Variants in OR10H3 observed in about 807,000 individuals in gnomAD.
The protein encoded by OR10H3 is olfactory receptor family 10 subfamily H member 3, also known as olfactory receptor 10H3.
A neutral mutation model predicts 11.1 loss-of-function variants in OR10H3; 15 were observed. That is an observed-to-expected ratio of 1.36 (90% CI 0.91 to 2.09). OR10H3 has a LOEUF of 2.09. Ranked by LOEUF, OR10H3 falls within the 30% of genes most tolerant of loss-of-function variation. The probability of loss-of-function intolerance (pLI) is 0.00; values close to 1 mark genes in which losing one functional copy is unlikely to be tolerated. For missense variants in OR10H3, 403 were observed against 391.5 expected, an observed-to-expected ratio of 1.03 and a Z score of -0.25; for synonymous variants, 149 against 142.1, an observed-to-expected ratio of 1.05 and a Z score of -0.35.
chr19:15,738,559 A>G (rs2008664921), intron 1 of OR10H3, among the ~76,000 whole-genome samples: 1 of 150,184 alleles, frequency 6.7e-6, no homozygotes, highest in Non-Finnish European at 1.5e-5. Flanking sequence ...TTTTTTGAAG[A>G]TCATGTGTAA....
At chr19:15,739,945 T>C (rs997395222) in intron 1 of OR10H3, among the ~76,000 whole-genome samples, 7 of 152,036 alleles carry the variant, frequency 4.6e-5, no homozygotes, top group Middle Eastern at 3.4e-3. Flanking sequence ...ATAGTCAAAA[T>C]AACCAGATAA....
In OR10H3 at chr19:15,741,420, T is replaced by C. The variant is rs771244236; in HGVS notation, c.28T>C (p.Ser10Pro). ...GCCTGGTCAGAACTACAGAACCATATCTGAATTTATCCTCTCTGGCTTCTC... is the reference window on the plus strand; with the variant it reads ...GCCTGGTCAGAACTACAGAACCATACCTGAATTTATCCTCTCTGGCTTCTC... MPGQNYRTI[S>P]EFILSGFSAF... Residue 10 changes from serine to proline, a missense_variant, in exon 2 of 2, where the codon TCT (serine) becomes CCT (proline). Transcript: ENST00000641646. The C allele has an allele frequency of 3.7e-5, 60 of 1,613,788 alleles. No homozygotes were observed. The South Asian group carries it at 6.4e-4, about 17-fold the overall frequency.
At chr19:15,739,107 T>C (rs148976517) in intron 1 of OR10H3, among the ~76,000 whole-genome samples, 5 of 152,278 alleles carry the variant, frequency 3.3e-5, no homozygotes, top group African/African-American at 1.2e-4. Flanking sequence ...TTTAATTATA[T>C]AGTTATCTTC....
At position 15,742,246 on chromosome 19, in the gene OR10H3, C is replaced by A. The variant is rs184309267; in HGVS notation, c.854C>A (p.Pro285His). The change falls in exon 2 of 2, where the codon CCC (proline) becomes CAC (histidine). Residue 285 changes from proline (P) to histidine (H), a missense_variant. Physicochemically the swap from Pro to His is moderately conservative, Grantham distance 77. Transcript: ENST00000641646. ...LMATTYTVFT[P>H]FLSPIIFSLR... ...GCCACCACCTATACTGTCTTCACCC[C>A]CTTCCTCAGCCCAATCATTTTCAGT... 2 of 1,614,088 alleles carry A rather than the reference C, an allele frequency of 1.2e-6. No homozygotes were observed. The highest frequency in any genetic ancestry group is 2.2e-5 in the South Asian group (2 of 91,084).
In OR10H3 at chr19:15,742,233, A is replaced by G. The variant is rs892204938; in HGVS notation, c.841A>G (p.Thr281Ala). The G allele has an allele frequency of 1.2e-6, 2 of 1,614,034 alleles. No individual in the cohort carries two copies. The highest frequency in any genetic ancestry group is 1.7e-6 in the Non-Finnish European group (2 of 1,180,036). Residue 281 changes from threonine (T) to alanine (A), a missense_variant, in exon 2 of 2, where the codon ACT (threonine) becomes GCT (alanine). Physicochemically the swap from Thr to Ala is moderately conservative, Grantham distance 58. Coordinates refer to ENST00000641646, the MANE Select transcript of OR10H3 (RefSeq NM_013938.2). ...TGATGCCTTGATGGCCACCACCTAT[A>G]CTGTCTTCACCCCCTTCCTCAGCCC... ...YSDALMATTY[T>A]VFTPFLSPII...
rs77313835 is a variant in OR10H3, at chr19:15,741,685, G to C, written c.293G>C (p.Cys98Ser). The C allele has an allele frequency of 6.3e-7, 1 of 1,595,984 alleles. No homozygotes were observed. ...FTHRSITFVA[C>S]AIQMFFSFMF... ...CATCGTTCCATCACCTTTGTGGCTT[G>C]TGCCATTCAGATGTTCTTCTCCTTC... Residue 98 changes from cysteine to serine, a missense_variant, in exon 2 of 2, where the codon TGT becomes TCT. Physicochemically the swap from Cys to Ser is moderately radical, Grantham distance 112. Transcript: ENST00000641646.
At chr19:15,739,687 T>C (rs1220048712) in intron 1 of OR10H3, among the ~76,000 whole-genome samples, 1 of 151,850 alleles carries the variant, frequency 6.6e-6, no homozygotes, top group East Asian at 1.9e-4. Flanking sequence ...CAAGACTCCG[T>C]CTCAAAAAAA....
At chr19:15,741,283 C>G in intron 1 of OR10H3, 99 bp from the exon 2 acceptor site, 1 of 692,280 alleles carries the variant, frequency 1.4e-6, no homozygotes, top group South Asian at 1.9e-5. Context: ...AAAGTTCCAC[C>G]AGTTGTTGAA....
At position 15,741,572 on chromosome 19, in the gene OR10H3, G is replaced by A. The variant is rs2144893588; in HGVS notation, c.180G>A (p.Met60Ile). ...TTGAACGCAGACTCCACACACCCAT[G>A]TACCTCTTCTTGTGTGCCCTCTCCA... ...VWIERRLHTP[M>I]YLFLCALSIS... The change falls in exon 2 of 2, where the codon ATG becomes ATA. Residue 60 changes from methionine to isoleucine, a missense_variant. Coordinates refer to ENST00000641646, the MANE Select transcript of OR10H3 (RefSeq NM_013938.2). The A allele has an allele frequency of 4.3e-6, 7 of 1,614,156 alleles. No homozygotes were observed. The highest frequency in any genetic ancestry group is 1.1e-5 in the South Asian group (1 of 91,072).
At position 15,742,279 on chromosome 19, in the gene OR10H3, A is replaced by G. The variant is rs745971251; in HGVS notation, c.887A>G (p.Asn296Ser). ...AGCCCAATCATTTTCAGTCTAAGGAACAAGGAGCTGAAGAATGCCATAAAT... is the reference window on the plus strand; with the variant it reads ...AGCCCAATCATTTTCAGTCTAAGGAGCAAGGAGCTGAAGAATGCCATAAAT... ...FLSPIIFSLR[N>S]KELKNAINKN... is the part of the protein sequence containing the mutation. Residue 296 changes from asparagine to serine, a missense_variant, in exon 2 of 2, where the codon AAC (asparagine) becomes AGC (serine). Asn to Ser is a conservative substitution (Grantham distance 46, BLOSUM62 1). Transcript: ENST00000641646. 1.1e-5 allele frequency: 17 copies of G among 1,613,022 alleles called. No individual in the cohort carries two copies. Among genetic ancestry groups the G allele is most frequent in the Admixed American group, 1.7e-5 (1 of 60,004 alleles).
In OR10H3 at chr19:15,742,040, C is replaced by G. The variant is rs769183899; in HGVS notation, c.648C>G (p.Ile216Met). The G allele has an allele frequency of 7.4e-6, 12 of 1,614,074 alleles. No homozygotes were observed. Among genetic ancestry groups the G allele is most frequent in the Non-Finnish European group, 1.0e-5 (12 of 1,180,040 alleles). The change falls in exon 2 of 2, where the codon ATC becomes ATG. Residue 216 changes from isoleucine (I) to methionine (M), a missense_variant. Ile to Met is a conservative substitution (Grantham distance 10, BLOSUM62 1). Transcript: ENST00000641646. ...VTALIGCLFL[I>M]ILSFVFIVAA... ...CCCTGATAGGCTGTTTGTTCCTCAT[C>G]ATCCTCTCCTTTGTCTTCATTGTGG...
chr19:15,741,754 A>G lies in OR10H3; in HGVS notation c.362A>G (p.Tyr121Cys), dbSNP rs114904510. The change falls in exon 2 of 2, where the codon TAT becomes TGT. Residue 121 changes from tyrosine (Y) to cysteine (C), a missense_variant. Coordinates refer to ENST00000641646, the MANE Select transcript of OR10H3 (RefSeq NM_013938.2). ...THSFLLMVMG[Y>C]DHYVTICHPL... is the part of the protein sequence containing the mutation. ...TCCTTCCTTCTCATGGTCATGGGCTATGATCACTACGTGACCATCTGCCAC... is the reference window on the plus strand; with the variant it reads ...TCCTTCCTTCTCATGGTCATGGGCTGTGATCACTACGTGACCATCTGCCAC... The G allele has an allele frequency of 2.9e-3, 4,654 of 1,614,098 alleles. 7 individuals are homozygous for G. Among genetic ancestry groups the G allele is most frequent in the Non-Finnish European group, 3.6e-3 (4,267 of 1,180,014 alleles).
At chr19:15,738,172 TTTGTG>T (rs1235959011) in intron 1 of OR10H3, 121 bp downstream of exon 1, 1 of 149,252 alleles carries the variant, frequency 6.7e-6, no homozygotes, top group Non-Finnish European at 1.5e-5. Context: ...CTCCTTGGAT[TTTGTG>T]TTGTGAAGTG....
chr19:15,741,597 A>G lies in OR10H3; in HGVS notation c.205A>G (p.Ile69Val), dbSNP rs200444634. Residue 69 changes from isoleucine (I) to valine (V), a missense_variant, in exon 2 of 2, where the codon ATC becomes GTC. Coordinates refer to ENST00000641646, the MANE Select transcript of OR10H3 (RefSeq NM_013938.2). ...GTACCTCTTCTTGTGTGCCCTCTCCATCTCTGAGATTCTGTTCACTGTTGC... is the reference window on the plus strand; with the variant it reads ...GTACCTCTTCTTGTGTGCCCTCTCCGTCTCTGAGATTCTGTTCACTGTTGC... Reference protein sequence around the residue: ...PMYLFLCALSISEILFTVAIT... With the variant: ...PMYLFLCALSVSEILFTVAIT... 6.2e-6 allele frequency: 10 copies of G among 1,613,938 alleles called. No homozygotes were observed. Among genetic ancestry groups the G allele is most frequent in the Admixed American group, 3.3e-5 (2 of 59,996 alleles).
At chr19:15,740,557 T>C (rs756905683) in intron 1 of OR10H3, among the ~76,000 whole-genome samples, 3 of 152,262 alleles carry the variant, frequency 2.0e-5, no homozygotes, top group Non-Finnish European at 4.4e-5. Flanking sequence ...CTCCATCTTC[T>C]GTACAATGAT....
chr19:15,742,219 T>A lies in OR10H3; in HGVS notation c.827T>A (p.Met276Lys). Residue 276 changes from methionine to lysine, a missense_variant, in exon 2 of 2, where the codon ATG becomes AAG. Met to Lys is a moderately conservative substitution (Grantham distance 95). Transcript: ENST00000641646. The stretch of plus-strand genomic sequence containing the variant: ...CATTCTATGTACAGTGATGCCTTGA[T>A]GGCCACCACCTATACTGTCTTCACC... Reference protein sequence around the residue: ...GLHSMYSDALMATTYTVFTPF... With the variant: ...GLHSMYSDALKATTYTVFTPF... 1 of 1,614,124 alleles carries A rather than the reference T, an allele frequency of 6.2e-7. No homozygotes were observed. Among genetic ancestry groups the A allele is most frequent in the African/African-American group, 1.3e-5 (1 of 75,034 alleles).
intron 1 of OR10H3, among the ~76,000 whole-genome samples, chr19:15,739,994 T>A (rs2008680129): frequency 6.6e-6 from 1 of 151,220 alleles, no homozygotes; most frequent in African/African-American, 2.4e-5. Context: ...GTGGCTCATG[T>A]GTATAATCCC....
Position 15,741,528 on chromosome 19 carries a change from A to G in OR10H3, c.136A>G (p.Ile46Val), listed in dbSNP as rs769934656. 16 of 1,614,006 alleles carry G rather than the reference A, an allele frequency of 9.9e-6. No individual in the cohort carries two copies. The highest frequency in any genetic ancestry group is 1.7e-5 in the Admixed American group (1 of 60,002). ...FLFTLLGNLL[I>V]MATVWIERRL... ...GTTCACATTGCTTGGCAACCTTCTT[A>G]TCATGGCCACAGTTTGGATTGAACG... Residue 46 changes from isoleucine (I) to valine (V), a missense_variant, in exon 2 of 2, where the codon ATC (isoleucine) becomes GTC (valine). Ile to Val is a conservative substitution (Grantham distance 29). Transcript: ENST00000641646.
Position 15,742,022 on chromosome 19 carries a change from A to C in OR10H3, c.630A>C (p.Ile210=). The change falls in exon 2 of 2, where the codon ATA becomes ATC. Residue 210 remains isoleucine (I), a synonymous_variant. Transcript: ENST00000641646. ...GVMLVCVTAL[I]GCLFLIILSF... Reference sequence around the variant, plus strand: ...TGCTGGTGTGTGTCACAGCCCTGATAGGCTGTTTGTTCCTCATCATCCTCT... The same window carrying C: ...TGCTGGTGTGTGTCACAGCCCTGATCGGCTGTTTGTTCCTCATCATCCTCT... 1 of 1,614,152 alleles carries C rather than the reference A, an allele frequency of 6.2e-7. No homozygotes were observed. Among genetic ancestry groups the C allele is most frequent in the Admixed American group, 1.7e-5 (1 of 60,032 alleles).
Sources: gnomAD v4.1 joint callset for allele counts (sites outside exome capture counted in the v4.1 genomes callset) on GRCh38, gnomAD v4.1.1 for gene constraint, MANE v1.5 for transcripts, NCBI Gene and HGNC (gene_info 2026-07-23, HGNC 2026-07-21) for gene names.